The following GPC3 variants were observed in gnomAD, a reference collection of about 807,000 sequenced individuals.
GPC3 encodes glypican-3.
In GPC3, 3 loss-of-function variants were observed where a neutral mutation model predicts 34.4. The observed-to-expected ratio is 0.09, with a 90% CI of 0.04 to 0.23. The LOEUF (loss-of-function observed/expected upper bound fraction) is 0.23. GPC3 is among the 10% of genes least tolerant of loss of function. The pLI, the probability that GPC3 is intolerant of heterozygous loss-of-function variation, is 1.00. For missense variants in GPC3, 351 were observed against 445.6 expected, an observed-to-expected ratio of 0.79 and a Z score of 1.91; for synonymous variants, 177 against 174.0, an observed-to-expected ratio of 1.02 and a Z score of -0.13.
In GPC3 at chrX:133,738,471, A is replaced by G. The variant is rs769708600; in HGVS notation, c.1032+15011T>C. On this transcript the variant is annotated intron_variant, in intron 3 of 7. Coordinates refer to ENST00000370818, the MANE Select transcript of GPC3 (RefSeq NM_004484.4). The stretch of plus-strand genomic sequence containing the variant: ...GACAAGTAAATTTAAGGACCCAATA[A>G]AAGGAAAATATCTAAAACAAGGAGA... Among the ~76,000 whole-genome samples, 3 of 112,265 alleles carry G rather than the reference A, an allele frequency of 2.7e-5. No individual in the cohort carries two copies. In the East Asian group the frequency reaches 8.4e-4, roughly 31 times the overall value.
intron 2 of GPC3, among the ~76,000 whole-genome samples, chrX:133,924,398 G>A (rs777860166): frequency 1.8e-4 from 20 of 110,972 alleles, no homozygotes; most frequent in African/African-American, 6.2e-4. Context: ...AACTAGAAGC[G>A]AGTGCAGCCC....
chrX:133,537,064 A>G (rs766815235), intron 7 of GPC3, among the ~76,000 whole-genome samples: 23 of 111,747 alleles, frequency 2.1e-4, no homozygotes, highest in African/African-American at 7.5e-4. Context: ...CATGATTCTG[A>G]AAAGAAATCA....
intron 7 of GPC3, among the ~76,000 whole-genome samples, chrX:133,551,083 T>A: frequency 9.0e-6 from 1 of 111,058 alleles, no homozygotes; most frequent in African/African-American, 3.3e-5. Context: ...TTCATGATTG[T>A]GTTCCCATAC....
chrX:133,903,852 C>G (rs938492601), intron 2 of GPC3, among the ~76,000 whole-genome samples: 1 of 111,011 alleles, frequency 9.0e-6, no homozygotes, highest in Admixed American at 9.6e-5. Context: ...CGACCCTGAC[C>G]GAGATGTACT....
At chrX:133,554,732 T>A (rs1361646534) in intron 7 of GPC3, among the ~76,000 whole-genome samples, 1 of 111,382 alleles carries the variant, frequency 9.0e-6, no homozygotes, top group African/African-American at 3.3e-5. Context: ...GGAATTAGCT[T>A]AGACTGTGTG....
intron 2 of GPC3, among the ~76,000 whole-genome samples, chrX:133,938,755 T>C (rs967927856): frequency 6.2e-5 from 7 of 112,186 alleles, no homozygotes; most frequent in Non-Finnish European, 1.3e-4. Flanking sequence ...GTATAGTTAA[T>C]GTACAAACAT....
At chrX:133,822,814 A>G (rs1378135619) in intron 2 of GPC3, among the ~76,000 whole-genome samples, 1 of 111,255 alleles carries the variant, frequency 9.0e-6, no homozygotes, top group Non-Finnish European at 1.9e-5. Context: ...TCCAGAACAC[A>G]TATAAAATTA....
At chrX:133,923,868 C>A in intron 2 of GPC3, among the ~76,000 whole-genome samples, 1 of 112,337 alleles carries the variant, frequency 8.9e-6, no homozygotes, top group Non-Finnish European at 1.9e-5. Context: ...TGCTTTACTG[C>A]CACAGGTTGA....
In GPC3 at chrX:133,748,905, G is replaced by A. The variant is rs148395839; in HGVS notation, c.1032+4577C>T. ...TCTGGGGCTTATTTTCTTTATCTTC[G>A]AAACGAGGTGGCTGGATTTGCTCCC... On this transcript the variant is annotated intron_variant, in intron 3 of 7. Transcript: ENST00000370818. Among the ~76,000 whole-genome samples the A allele has an allele frequency of 6.6e-3, 730 of 111,414 alleles. 6 individuals carry two copies. Among genetic ancestry groups the A allele is most frequent in the African/African-American group, 0.023 (691 of 30,602 alleles).
chrX:133,645,494 C>A (rs967008852), intron 6 of GPC3, among the ~76,000 whole-genome samples: 1 of 112,180 alleles, frequency 8.9e-6, no homozygotes, highest in Admixed American at 9.5e-5. Context: ...TGCATTACAA[C>A]ATAACTTGCA....
chrX:133,920,019 G>T (rs2076241264), intron 2 of GPC3, among the ~76,000 whole-genome samples: 1 of 108,037 alleles, frequency 9.3e-6, no homozygotes, highest in Admixed American at 1.0e-4. Flanking sequence ...AAAAAAATTA[G>T]CCAGGCATGG....
intron 2 of GPC3, among the ~76,000 whole-genome samples, chrX:133,795,801 C>A (rs1166175240): frequency 9.0e-6 from 1 of 110,671 alleles, no homozygotes; most frequent in African/African-American, 3.3e-5. Flanking sequence ...TCCAAGTAAA[C>A]AATCATCATC....
intron 5 of GPC3, among the ~76,000 whole-genome samples, chrX:133,683,872 T>TC (rs895102761): frequency 8.9e-6 from 1 of 111,919 alleles, no homozygotes; most frequent in African/African-American, 3.2e-5. Flanking sequence ...AAAGACTACA[T>TC]CTAAGATAAA....
At chrX:133,930,648 C>CT (rs35278343) in intron 2 of GPC3, among the ~76,000 whole-genome samples, 1 of 111,247 alleles carries the variant, frequency 9.0e-6, no homozygotes, top group Non-Finnish European at 1.9e-5. Context: ...TATTTTTTTT[C>CT]TTTTTTGAGA....
At chrX:133,541,807 T>TGCATCCTGGCACAG (rs1032322545) in intron 7 of GPC3, among the ~76,000 whole-genome samples, 3 of 111,964 alleles carry the variant, frequency 2.7e-5, no homozygotes, top group Non-Finnish European at 5.6e-5. Context: ...TGGCCTCAAG[T>TGCATCCTGGCACAG]GATCCTGTGC....
At chrX:133,790,111 G>T (rs1236265626) in intron 2 of GPC3, among the ~76,000 whole-genome samples, 3 of 109,911 alleles carry the variant, frequency 2.7e-5, no homozygotes, top group African/African-American at 9.9e-5. Context: ...TGACATAGAA[G>T]AAATGGATAT....
intron 3 of GPC3, among the ~76,000 whole-genome samples, chrX:133,732,987 C>T (rs1603235750): frequency 9.0e-6 from 1 of 111,194 alleles, no homozygotes; most frequent in Admixed American, 9.5e-5. Context: ...ACCTCAGCCT[C>T]GTAAAGCTGG....
At chrX:133,938,704 C>G (rs2076332521) in intron 2 of GPC3, among the ~76,000 whole-genome samples, 1 of 112,285 alleles carries the variant, frequency 8.9e-6, no homozygotes, top group Admixed American at 9.5e-5. Context: ...TATTTACCTT[C>G]TGCCTTGAGT....
At chrX:133,674,555 A>G (rs766085688) in intron 5 of GPC3, among the ~76,000 whole-genome samples, 2 of 111,650 alleles carry the variant, frequency 1.8e-5, no homozygotes, top group African/African-American at 6.5e-5. Context: ...TCCAGGAGAC[A>G]GGGCATCATC....
Sources: gnomAD v4.1 joint callset for allele counts (sites outside exome capture counted in the v4.1 genomes callset) on GRCh38, gnomAD v4.1.1 for gene constraint, MANE v1.5 for transcripts, NCBI Gene and HGNC (gene_info 2026-07-23, HGNC 2026-07-21) for gene names.